The following DIP2C variants were observed in gnomAD, a reference collection of about 807,000 sequenced individuals.
The protein encoded by DIP2C is disco-interacting protein 2 homolog C.
Under a neutral mutation model 192.4 loss-of-function variants are expected in DIP2C, and 33 were observed. That is an observed-to-expected ratio of 0.17 (90% CI 0.13 to 0.23). The LOEUF (loss-of-function observed/expected upper bound fraction) is 0.23. Among genes scored for constraint, DIP2C ranks in the 10% least tolerant of loss-of-function variants. The pLI, the probability that DIP2C is intolerant of heterozygous loss-of-function variation, is 1.00. For synonymous variants in DIP2C, 979 were observed against 864.1 expected, an observed-to-expected ratio of 1.13 and a Z score of -2.33; for missense variants, 1,537 against 2,110.1, an observed-to-expected ratio of 0.73 and a Z score of 5.32.
chr10:412,970 A>G (rs995918086), intron 8 of DIP2C, among the ~76,000 whole-genome samples: 2 of 152,186 alleles, frequency 1.3e-5, no homozygotes, highest in Non-Finnish European at 2.9e-5. Context: ...TTATTTTCGT[A>G]TCTTTTGAAA....
At chr10:631,972 AAAG>A (rs557165499) in intron 1 of DIP2C, among the ~76,000 whole-genome samples, 2 of 152,262 alleles carry the variant, frequency 1.3e-5, no homozygotes, top group African/African-American at 2.4e-5. Flanking sequence ...AAAACTTTAG[AAAG>A]TATTAAGCGT....
chr10:277,194 C>CCTT lies in DIP2C; in HGVS notation c.*130_*131insAAG. On this transcript the variant is annotated 3_prime_UTR_variant, in exon 37 of 37. Transcript: ENST00000280886. ...TGCTGTGAGAAGTCCTCTTCCTCCT[C>CCTT]CTCTTCCTCCTCCACTCTCACCACA... 7.2e-7 allele frequency: 1 copy of CCTT among 1,384,472 alleles called. No homozygotes were observed. Among genetic ancestry groups the CCTT allele is most frequent in the Non-Finnish European group, 9.8e-7 (1 of 1,024,084 alleles). 85.8% of individuals were successfully genotyped at this position (1,384,472 alleles called of 1,614,324 possible).
intron 32 of DIP2C, among the ~76,000 whole-genome samples, chr10:298,964 A>T (rs534533363): frequency 1.3e-5 from 2 of 152,364 alleles, no homozygotes; most frequent in East Asian, 3.9e-4. Flanking sequence ...CTTGAAAAAT[A>T]ATTATAGATT....
At chr10:485,420 C>T (rs1207135422) in intron 2 of DIP2C, among the ~76,000 whole-genome samples, 3 of 152,242 alleles carry the variant, frequency 2.0e-5, no homozygotes, top group Non-Finnish European at 2.9e-5. Context: ...CCCCTTCTCT[C>T]GGGTTCCTCG....
intron 4 of DIP2C, among the ~76,000 whole-genome samples, chr10:429,136 A>C (rs571304165): frequency 6.6e-6 from 1 of 152,116 alleles, no homozygotes; most frequent in South Asian, 2.1e-4. Context: ...ACATGTATCC[A>C]CCATCACAGT....
chr10:375,740 C>G (rs967259497), intron 17 of DIP2C, among the ~76,000 whole-genome samples: 1 of 152,182 alleles, frequency 6.6e-6, no homozygotes, highest in Non-Finnish European at 1.5e-5. Flanking sequence ...ACAAAACAAA[C>G]ACATCAAGTA....
At chr10:575,588 C>T (rs1282934670) in intron 1 of DIP2C, among the ~76,000 whole-genome samples, 1 of 152,208 alleles carries the variant, frequency 6.6e-6, no homozygotes, top group Non-Finnish European at 1.5e-5. Context: ...CTTGCAAAAA[C>T]ATAGCTCAGC....
chr10:390,293 C>T lies in DIP2C; in HGVS notation c.1465G>A (p.Asp489Asn), dbSNP rs2132946785. 6.2e-7 allele frequency: 1 copy of T among 1,613,966 alleles called. No homozygotes were observed. Among genetic ancestry groups the T allele is most frequent in the African/African-American group, 1.3e-5 (1 of 74,968 alleles). Reference sequence around the variant, plus strand: ...ATATACGCAGTGTCGTTATTGGCATCTTTAATGTGTGGGAACCAGTCTCGG... The same window carrying T: ...ATATACGCAGTGTCGTTATTGGCATTTTTAATGTGTGGGAACCAGTCTCGG... ...PPRDWFPHIK[D>N]ANNDTAYIEY... Residue 489 changes from aspartate to asparagine, a missense_variant, in exon 12 of 37, where the codon GAT becomes AAT. By Grantham distance (23) the Asp-to-Asn change is conservative. Coordinates refer to ENST00000280886, the MANE Select transcript of DIP2C (RefSeq NM_014974.3).
At chr10:629,533 G>A (rs2131876504) in intron 1 of DIP2C, among the ~76,000 whole-genome samples, 1 of 152,360 alleles carries the variant, frequency 6.6e-6, no homozygotes, top group South Asian at 2.1e-4. Flanking sequence ...ACTGGGGGAA[G>A]GAAGCCCTCA....
In DIP2C at chr10:276,322, T is replaced by C. The variant is rs541952272; in HGVS notation, c.*1003A>G. 6.5e-6 allele frequency: 1 copy of C among 152,762 alleles called. No individual in the cohort carries two copies. The highest frequency in any genetic ancestry group is 6.5e-5 in the Admixed American group (1 of 15,306). 9.5% of individuals were successfully genotyped at this position (152,762 alleles called of 1,614,324 possible). A position where few individuals can be genotyped will look rare whatever the true frequency, so the allele number is the denominator to read the frequency against. Reference sequence around the variant, plus strand: ...TGGTCTCTGGTTCTAGAAGAAACTTTTAGACAGGGCTCCTGCGGTCTGCGA... The same window carrying C: ...TGGTCTCTGGTTCTAGAAGAAACTTCTAGACAGGGCTCCTGCGGTCTGCGA... On this transcript the variant is annotated 3_prime_UTR_variant, in exon 37 of 37. Coordinates refer to ENST00000280886, the MANE Select transcript of DIP2C (RefSeq NM_014974.3).
chr10:498,387 C>T (rs1274484670), intron 1 of DIP2C, among the ~76,000 whole-genome samples: 1 of 152,146 alleles, frequency 6.6e-6, no homozygotes, highest in African/African-American at 2.4e-5. Context: ...CTTGAATCTC[C>T]ACACCTGAGT....
chr10:513,014 C>A (rs1417930670), intron 1 of DIP2C, among the ~76,000 whole-genome samples: 3 of 151,358 alleles, frequency 2.0e-5, no homozygotes, highest in Non-Finnish European at 4.4e-5. Flanking sequence ...ACGCACACAT[C>A]TGCAGTGGGG....
At chr10:508,554 G>A (rs926300005) in intron 1 of DIP2C, among the ~76,000 whole-genome samples, 2 of 152,250 alleles carry the variant, frequency 1.3e-5, no homozygotes, top group South Asian at 2.1e-4. Context: ...CCTGTGAGCC[G>A]CTAAGCTCTT....
chr10:367,382 A>G (rs982675357), intron 18 of DIP2C, among the ~76,000 whole-genome samples: 15 of 151,220 alleles, frequency 9.9e-5, no homozygotes, highest in African/African-American at 2.9e-4. Context: ...GCGCCACTGC[A>G]CTCCAGCCTG....
At chr10:674,747 C>T (rs897421024) in intron 1 of DIP2C, among the ~76,000 whole-genome samples, 6 of 107,132 alleles carry the variant, frequency 5.6e-5, no homozygotes, top group African/African-American at 2.1e-4. Flanking sequence ...CCAGCCTAAG[C>T]AACAAAAGCA....
chr10:515,176 G>A (rs540718666), intron 1 of DIP2C, among the ~76,000 whole-genome samples: 1 of 152,268 alleles, frequency 6.6e-6, no homozygotes, highest in African/African-American at 2.4e-5. Context: ...TGTTACAAAT[G>A]CAGCTGAGTT....
At chr10:394,044 G>C (rs954355059) in intron 10 of DIP2C, among the ~76,000 whole-genome samples, 2 of 152,222 alleles carry the variant, frequency 1.3e-5, no homozygotes. Context: ...ATATGATCCA[G>C]CAATCTTGCT....
At chr10:471,672 T>C (rs1380876726) in intron 3 of DIP2C, among the ~76,000 whole-genome samples, 2 of 152,144 alleles carry the variant, frequency 1.3e-5, no homozygotes, top group Non-Finnish European at 2.9e-5. Context: ...CACAGGTAAT[T>C]TTCTTTTAAA....
chr10:390,170 G>C, intron 12 of DIP2C, 77 bp from the exon 13 acceptor site: 1 of 1,584,282 alleles, frequency 6.3e-7, no homozygotes, highest in Non-Finnish European at 8.7e-7. Flanking sequence ...GGTTCTCCAA[G>C]TCCCTGAATT....
Sources: gnomAD v4.1 joint callset for allele counts (sites outside exome capture counted in the v4.1 genomes callset) on GRCh38, gnomAD v4.1.1 for gene constraint, MANE v1.5 for transcripts, NCBI Gene and HGNC (gene_info 2026-07-23, HGNC 2026-07-21) for gene names.